The following PMFBP1 variants were observed in gnomAD, a reference collection of about 807,000 sequenced individuals.
The protein encoded by PMFBP1 is polyamine-modulated factor 1-binding protein 1.
In PMFBP1, 131 loss-of-function variants were observed where a neutral mutation model predicts 137.8. The observed-to-expected ratio is 0.95, with a 90% CI of 0.82 to 1.10. The LOEUF is 1.10. Among genes scored for constraint, PMFBP1 ranks in the 50% least tolerant of loss-of-function variants. PMFBP1 has a pLI of 0.00. For synonymous variants in PMFBP1, 490 were observed against 450.4 expected (o/e 1.09, Z -1.11); for missense variants, 1,199 against 1,175.4 (o/e 1.02, Z -0.29).
chr16:72,136,855 G>C, intron 7 of PMFBP1, 36 bp from the exon 8 acceptor site: 1 of 1,613,020 alleles, frequency 6.2e-7, no homozygotes, highest in Non-Finnish European at 8.5e-7. Context: ...ATGAGGAGAT[G>C]AGAGACAATG....
upstream of PMFBP1, among the ~76,000 whole-genome samples, chr16:72,179,716 A>G (rs192588418): frequency 1.8e-4 from 27 of 152,274 alleles, 1 homozygote; most frequent in Admixed American, 1.7e-3. Context: ...CAGAATGGAG[A>G]GGAGGGAACC....
chr16:72,160,295 A>G (rs1464642388), intron 3 of PMFBP1, among the ~76,000 whole-genome samples: 2 of 152,248 alleles, frequency 1.3e-5, no homozygotes, highest in Admixed American at 1.3e-4. Flanking sequence ...TGACAGGTCT[A>G]TAATTACCGG....
chr16:72,165,184 C>A (rs17667639), intron 2 of PMFBP1, among the ~76,000 whole-genome samples: 7 of 152,210 alleles, frequency 4.6e-5, no homozygotes, highest in African/African-American at 1.4e-4. Flanking sequence ...CCCTGTTTTT[C>A]AAGAGGAAGT....
rs547647687 is a variant in PMFBP1 at position 72,154,710 on chromosome 16, A to T, written c.166-251T>A. On this transcript the variant is annotated intron_variant, in intron 3 of 20. Transcript: ENST00000237353. ...CTTATCTACCAAAATCTTATTATTTAGGTCAGAAGAAAAAATATACACATA... is the reference window on the plus strand; with the variant it reads ...CTTATCTACCAAAATCTTATTATTTTGGTCAGAAGAAAAAATATACACATA... Among the ~76,000 whole-genome samples, 3 of 152,332 alleles carry T rather than the reference A, an allele frequency of 2.0e-5. No homozygotes were observed. In the East Asian group the frequency reaches 5.8e-4, roughly 29 times the overall value.
intron 19 of PMFBP1, among the ~76,000 whole-genome samples, chr16:72,121,108 T>G (rs1417987829): frequency 6.6e-6 from 1 of 152,238 alleles, no homozygotes; most frequent in Non-Finnish European, 1.5e-5. Context: ...TCTGTTACCT[T>G]GAGAATCTGA....
the PMFBP1 span, among the ~76,000 whole-genome samples, chr16:72,239,340 CT>C: frequency 6.6e-6 from 1 of 152,176 alleles, no homozygotes; most frequent in African/African-American, 2.4e-5. Context: ...CTTCCATTGT[CT>C]GTTGATCACC....
At chr16:72,236,372 T>C in the PMFBP1 span, among the ~76,000 whole-genome samples, 2 of 152,202 alleles carry the variant, frequency 1.3e-5, no homozygotes. Context: ...TTAGTTTCTG[T>C]TCGCTACATT....
intron 3 of PMFBP1, among the ~76,000 whole-genome samples, chr16:72,155,051 G>T (rs1163338610): frequency 6.6e-6 from 1 of 151,948 alleles, no homozygotes; most frequent in Non-Finnish European, 1.5e-5. Flanking sequence ...GTGTGTGTGT[G>T]GTGTGATCTC....
chr16:72,183,980 C>T, the PMFBP1 span, among the ~76,000 whole-genome samples: 3 of 152,164 alleles, frequency 2.0e-5, no homozygotes, highest in Non-Finnish European at 2.9e-5. Flanking sequence ...CTTATTGTAT[C>T]TCACAAACTT....
chr16:72,232,170 T>G, the PMFBP1 span, among the ~76,000 whole-genome samples: 1 of 152,226 alleles, frequency 6.6e-6, no homozygotes, highest in African/African-American at 2.4e-5. Flanking sequence ...TTCAATCAAC[T>G]ATAAAGAATG....
At chr16:72,144,582 C>T (rs950204038) in intron 5 of PMFBP1, among the ~76,000 whole-genome samples, 1 of 151,940 alleles carries the variant, frequency 6.6e-6, no homozygotes, top group South Asian at 2.1e-4. Context: ...AAAATTCGAG[C>T]CTTATGTCAT....
chr16:72,198,166 T>C, the PMFBP1 span, among the ~76,000 whole-genome samples: 1 of 152,080 alleles, frequency 6.6e-6, no homozygotes, highest in South Asian at 2.1e-4. Context: ...GTAATAGAAA[T>C]CATCAGTTGC....
chr16:72,227,075 C>A, the PMFBP1 span, among the ~76,000 whole-genome samples: 2 of 151,880 alleles, frequency 1.3e-5, no homozygotes, highest in Non-Finnish European at 1.5e-5. Flanking sequence ...TGCCCCTCTG[C>A]CTGATTTCAT....
intron 5 of PMFBP1, among the ~76,000 whole-genome samples, chr16:72,143,775 T>C (rs1452238621): frequency 6.6e-6 from 1 of 151,350 alleles, no homozygotes; most frequent in Non-Finnish European, 1.5e-5. Context: ...GTGTGGTGGC[T>C]CATGCCTGTA....
At chr16:72,179,054 A>G (rs775618437), upstream of PMFBP1, among the ~76,000 whole-genome samples, 8 of 152,180 alleles carry the variant, frequency 5.3e-5, no homozygotes, top group Non-Finnish European at 1.2e-4. Flanking sequence ...AAGATTTTCC[A>G]AATTCCTTTA....
In PMFBP1 at chr16:72,170,221, C is replaced by T. The variant is rs558347123; in HGVS notation, c.12+976G>A. 2.2e-4 allele frequency among the ~76,000 whole-genome samples: 33 copies of T among 151,196 alleles called. No individual in the cohort carries two copies. The Middle Eastern group carries it at 0.014, about 62-fold the overall frequency. ...GAAAGAGCCTTCTAGAAAATCCATA[C>T]GAGATCCTTGTTCCCCACAGAACTG... On this transcript the variant is annotated intron_variant, in intron 2 of 20. Transcript: ENST00000237353.
chr16:72,134,204 T>G (rs1276979464), intron 9 of PMFBP1, among the ~76,000 whole-genome samples: 1 of 152,162 alleles, frequency 6.6e-6, no homozygotes, highest in Non-Finnish European at 1.5e-5. Flanking sequence ...CTTGCCTCAG[T>G]CTCTCCTTCT....
chr16:72,215,764 A>G, the PMFBP1 span, among the ~76,000 whole-genome samples: 1 of 152,192 alleles, frequency 6.6e-6, no homozygotes, highest in African/African-American at 2.4e-5. Context: ...CAACAACAAC[A>G]AAAAACTCTC....
At chr16:72,194,224 A>G in the PMFBP1 span, among the ~76,000 whole-genome samples, 1 of 152,068 alleles carries the variant, frequency 6.6e-6, no homozygotes, top group Non-Finnish European at 1.5e-5. Flanking sequence ...TTACTTCCTA[A>G]TTATCTATGC....
Sources: allele counts gnomAD v4.1 joint callset (sites outside exome capture counted in the v4.1 genomes callset), GRCh38; gene constraint gnomAD v4.1.1; transcripts MANE v1.5; gene names NCBI Gene and HGNC (gene_info 2026-07-23, HGNC 2026-07-21).